SBF2: variants seen among roughly 807,000 people sequenced by gnomAD.
The protein encoded by SBF2 is myotubularin-related protein 13.
SBF2 carries 112 observed loss-of-function variants against 225.2 expected under a neutral mutation model. The observed-to-expected ratio is 0.50, with a 90% confidence interval of 0.43 to 0.58. SBF2 has a LOEUF of 0.58. Ranked by LOEUF, SBF2 falls within the 20% of genes least tolerant of loss-of-function variation. The pLI is 0.00. For missense variants in SBF2, 1,996 were observed against 2,206.2 expected (o/e 0.90, Z 1.91); for synonymous variants, 763 against 773.3 (o/e 0.99, Z 0.22).
intron 31 of SBF2, 72 bp from the exon 32 acceptor site, chr11:9,808,257 T>A: frequency 7.7e-7 from 1 of 1,291,568 alleles, no homozygotes; most frequent in Non-Finnish European, 1.1e-6. Context: ...ATAAAAGCAC[T>A]TCCTTCTGAT....
chr11:9,936,368 G>A (rs1864897977), intron 16 of SBF2, among the ~76,000 whole-genome samples: 1 of 152,198 alleles, frequency 6.6e-6, no homozygotes. Context: ...CTGTAAATGA[G>A]TTCAACCATT....
intron 28 of SBF2, among the ~76,000 whole-genome samples, chr11:9,824,283 G>A (rs10743119): frequency 0.51 from 78,116 of 152,024 alleles, 22,495 homozygotes; most frequent in Non-Finnish European, 0.65. Flanking sequence ...TTAAGGCCGG[G>A]TGCAGTGGCT....
At chr11:10,289,245 T>G (rs911278571) in intron 1 of SBF2, among the ~76,000 whole-genome samples, 1 of 152,052 alleles carries the variant, frequency 6.6e-6, no homozygotes, top group Admixed American at 6.5e-5. Context: ...CCCCTGAGAG[T>G]GCAAAGAGGC....
intron 1 of SBF2, among the ~76,000 whole-genome samples, chr11:10,265,832 G>A (rs1961928670): frequency 6.6e-6 from 1 of 151,918 alleles, no homozygotes; most frequent in African/African-American, 2.4e-5. Context: ...TGGGATCACA[G>A]GTGCACACCA....
At chr11:9,795,605 A>T (rs989869944) in intron 33 of SBF2, among the ~76,000 whole-genome samples, 1 of 152,228 alleles carries the variant, frequency 6.6e-6, no homozygotes, top group African/African-American at 2.4e-5. Flanking sequence ...TCAAAATAGT[A>T]AACATATTTA....
intron 1 of SBF2, among the ~76,000 whole-genome samples, chr11:10,234,931 T>C (rs1293813912): frequency 1.3e-5 from 2 of 152,174 alleles, no homozygotes; most frequent in African/African-American, 4.8e-5. Context: ...AGCCCAGACA[T>C]GGCACATCAA....
chr11:10,131,288 C>T (rs994276387), intron 2 of SBF2, among the ~76,000 whole-genome samples: 4 of 150,828 alleles, frequency 2.7e-5, no homozygotes, highest in African/African-American at 7.3e-5. Flanking sequence ...TACAGTGGCA[C>T]GATCACGGCT....
intron 2 of SBF2, among the ~76,000 whole-genome samples, chr11:10,095,073 C>A (rs1037401532): frequency 1.3e-5 from 2 of 151,900 alleles, no homozygotes; most frequent in African/African-American, 4.8e-5. Flanking sequence ...TACAGGTATG[C>A]ACCACCATGC....
chr11:10,267,475 A>C (rs1214799208), intron 1 of SBF2, among the ~76,000 whole-genome samples: 1 of 152,186 alleles, frequency 6.6e-6, no homozygotes, highest in Non-Finnish European at 1.5e-5. Flanking sequence ...AAAAAAAAAC[A>C]ACACTTTGAA....
intron 2 of SBF2, among the ~76,000 whole-genome samples, chr11:10,051,415 C>G (rs1049393386): frequency 1.5e-4 from 23 of 152,012 alleles, no homozygotes; most frequent in African/African-American, 5.6e-4. Context: ...AAGTATTACC[C>G]TTAAAACTTT....
At chr11:10,190,524 A>G (rs887894460) in intron 2 of SBF2, among the ~76,000 whole-genome samples, 1 of 152,200 alleles carries the variant, frequency 6.6e-6, no homozygotes, top group Admixed American at 6.5e-5. Context: ...CAATTTCTTT[A>G]TGTAAAAATG....
chr11:9,807,949 A>G (rs373925555), intron 32 of SBF2, 51 bp downstream of exon 32: 4 of 1,493,484 alleles, frequency 2.7e-6, no homozygotes, highest in Non-Finnish European at 3.7e-6. Context: ...CAATGCTAGT[A>G]TGTTGTGTTC....
In SBF2 at chr11:9,808,572, G is replaced by A. The variant is rs147565352; in HGVS notation, c.4257+329C>T. 367 of 405,780 alleles carry A rather than the reference G, an allele frequency of 9.0e-4. 4 individuals carry two copies. Among genetic ancestry groups the A allele is most frequent in the Middle Eastern group, 7.0e-3 (9 of 1,284 alleles). The allele number at this position is 405,780 out of a possible 1,614,324, so 25.1% of individuals were successfully genotyped here. The stretch of plus-strand genomic sequence containing the variant: ...TTTTCACTCTGGAGTGAGTTAAGGC[G>A]GGGCTTATAGAGAGCCAGGGGATGG... On this transcript the variant is annotated intron_variant, in intron 31 of 39. Transcript: ENST00000256190.
chr11:10,200,419 T>C (rs1402802333), intron 1 of SBF2, among the ~76,000 whole-genome samples: 2 of 152,190 alleles, frequency 1.3e-5, no homozygotes, highest in Non-Finnish European at 2.9e-5. Context: ...AAGAAAACTA[T>C]TATTGTTCTA....
intron 2 of SBF2, chr11:10,164,987 T>A (rs1239057321): frequency 6.6e-6 from 1 of 152,242 alleles, no homozygotes; most frequent in East Asian, 1.9e-4. Flanking sequence ...GGAACAACTC[T>A]GAAGGTCCCT....
chr11:10,121,963 T>G (rs1366026391), intron 2 of SBF2, among the ~76,000 whole-genome samples: 1 of 152,186 alleles, frequency 6.6e-6, no homozygotes, highest in Non-Finnish European at 1.5e-5. Flanking sequence ...GCTGAAGTAT[T>G]ACAGGGTTTG....
At chr11:9,813,349 A>T (rs991454862) in intron 29 of SBF2, among the ~76,000 whole-genome samples, 1 of 152,056 alleles carries the variant, frequency 6.6e-6, no homozygotes, top group Non-Finnish European at 1.5e-5. Context: ...TTTTTTTGGG[A>T]TGGAGTCTTG....
chr11:10,193,157 T>A (rs1319607383), intron 2 of SBF2, among the ~76,000 whole-genome samples: 1 of 152,136 alleles, frequency 6.6e-6, no homozygotes, highest in African/African-American at 2.4e-5. Context: ...CCATGACTGG[T>A]CAACATTAAA....
At chr11:10,168,018 A>T (rs1258822309) in intron 2 of SBF2, among the ~76,000 whole-genome samples, 1 of 152,244 alleles carries the variant, frequency 6.6e-6, no homozygotes, top group East Asian at 1.9e-4. Flanking sequence ...ACTCTGTCTC[A>T]AAACAAAAAA....
Sources: gnomAD v4.1 joint callset for allele counts (sites outside exome capture counted in the v4.1 genomes callset) on GRCh38, gnomAD v4.1.1 for gene constraint, MANE v1.5 for transcripts, NCBI Gene and HGNC (gene_info 2026-07-23, HGNC 2026-07-21) for gene names.